CSNK2A1: variants seen among roughly 807,000 people sequenced by gnomAD.
CSNK2A1 encodes the protein casein kinase 2 alpha 1.
Under a neutral mutation model 62.9 loss-of-function variants are expected in CSNK2A1, and 10 were observed. The observed-to-expected ratio is 0.16, with a 90% CI of 0.10 to 0.27. The LOEUF (loss-of-function observed/expected upper bound fraction) is 0.27, where lower values mean the gene tolerates loss of function less well. CSNK2A1 is among the 10% of genes least tolerant of loss of function. CSNK2A1 has a pLI of 1.00. For missense variants in CSNK2A1, 160 were observed against 492.0 expected, an observed-to-expected ratio of 0.33 and a Z score of 6.38; for synonymous variants, 124 against 167.8, an observed-to-expected ratio of 0.74 and a Z score of 2.02.
Position 499,753 on chromosome 20 carries a change from G to A in CSNK2A1, c.315+80C>T. ...ACTTAATGATGAGGGTTGGGGGAGG[G>A]AACAAAAAGAGGCCAGTTGTGCTCC... On this transcript the variant is annotated intron_variant, in intron 5 of 13. Coordinates refer to ENST00000217244, the MANE Select transcript of CSNK2A1 (RefSeq NM_177559.3). This position sits in a 1 kb window ranked among gnomAD's most constrained non-coding sequence, Gnocchi z 4.2. 5 of 1,333,586 alleles carry A rather than the reference G, an allele frequency of 3.7e-6. No individual in the cohort carries two copies. The highest frequency in any genetic ancestry group is 3.6e-5 in the South Asian group (3 of 83,284). 82.6% of individuals were successfully genotyped at this position (1,333,586 alleles called of 1,614,324 possible).
rs1051439149 is a variant in CSNK2A1, at chr20:536,318, C to T, written c.-227+7354G>A. Among the ~76,000 whole-genome samples the T allele has an allele frequency of 2.6e-5, 4 of 152,084 alleles. No individual in the cohort carries two copies. The East Asian group carries it at 7.7e-4, about 29-fold the overall frequency. ...CTGGCAATAAACACATTCTTTTCTC[C>T]GAAAGGGAAGGGAAAGAACTAATGT... On this transcript the variant is annotated intron_variant, in intron 1 of 13. Coordinates refer to ENST00000217244, the MANE Select transcript of CSNK2A1 (RefSeq NM_177559.3).
At chr20:506,393 G>T (rs117829656) in intron 3 of CSNK2A1, 2 of 152,146 alleles carry the variant, frequency 1.3e-5, no homozygotes, top group Non-Finnish European at 2.9e-5. Flanking sequence ...TGCGTAGTAC[G>T]AAGCACATTA....
rs1474958579 is a variant in CSNK2A1, at chr20:511,701, T to TAC, written c.-109-3042_-109-3041insGT. Among the ~76,000 whole-genome samples the TAC allele has an allele frequency of 2.4e-4, 25 of 103,544 alleles. No individual in the cohort carries two copies. In the Middle Eastern group the frequency reaches 0.012, roughly 50 times the overall value. 67.9% of individuals were successfully genotyped at this position (103,544 alleles called of 152,430 possible). A position where few individuals can be genotyped will look rare whatever the true frequency, so the allele number is the denominator to read the frequency against. On this transcript the variant is annotated intron_variant, in intron 2 of 13. Transcript: ENST00000217244. ...TGAATGATATTGCACTGTGTATATA[T>TAC]ATACACACACACACACACACACACA...
At chr20:489,064 A>C (rs2018160972) in intron 10 of CSNK2A1, 1 of 311,028 alleles carries the variant, frequency 3.2e-6, no homozygotes, top group Non-Finnish European at 6.0e-6. Flanking sequence ...TTGCACACTC[A>C]AACTACTCAC....
rs1447511568 is a variant in CSNK2A1 at position 479,922 on chromosome 20, C to T, written c.*4039G>A. 1 of 152,090 alleles carries T rather than the reference C, an allele frequency of 6.6e-6. No homozygotes were observed. The highest frequency in any genetic ancestry group is 1.5e-5 in the Non-Finnish European group (1 of 68,024). 9.4% of individuals were successfully genotyped at this position (152,090 alleles called of 1,614,324 possible). On this transcript the variant is annotated 3_prime_UTR_variant, in exon 14 of 14. Transcript: ENST00000217244. ...GAATATTGAACTGGTATGTATTCCG[C>T]AAATATTCCAAAAATCCAAAAAAAT...
intron 13 of CSNK2A1, among the ~76,000 whole-genome samples, chr20:485,096 A>T (rs1246439868): frequency 1.2e-3 from 62 of 50,916 alleles, no homozygotes; most frequent in African/African-American, 1.0e-3. Flanking sequence ...AAAAAAAAAA[A>T]AAAAAAAAAA....
At chr20:490,054 CAG>C (rs1404520935) in intron 9 of CSNK2A1, among the ~76,000 whole-genome samples, 173 bp from the exon 10 acceptor site, 5 of 146,670 alleles carry the variant, frequency 3.4e-5, no homozygotes, top group Non-Finnish European at 7.5e-5. Context: ...TTTTTGGAGA[CAG>C]AGTCTCACTC....
chr20:475,855 T>C lies in CSNK2A1; in HGVS notation c.*8106A>G, dbSNP rs1401026988. On this transcript the variant is annotated 3_prime_UTR_variant, in exon 14 of 14. Coordinates refer to ENST00000217244, the MANE Select transcript of CSNK2A1 (RefSeq NM_177559.3). ...GTAGCTGCTGCAACTTCTGCCACAT[T>C]GGGCAAACCTGAATCCAATTCACAT... is the stretch of plus-strand genomic sequence containing the variant. The C allele has an allele frequency of 6.6e-6, 1 of 152,206 alleles. No homozygotes were observed. Among genetic ancestry groups the C allele is most frequent in the Non-Finnish European group, 1.5e-5 (1 of 68,036 alleles). 9.4% of individuals were successfully genotyped at this position (152,206 alleles called of 1,614,324 possible). A position where few individuals can be genotyped will look rare whatever the true frequency, so the allele number is the denominator to read the frequency against.
chr20:513,467 C>T (rs1343309188), intron 2 of CSNK2A1, among the ~76,000 whole-genome samples: 1 of 152,198 alleles, frequency 6.6e-6, no homozygotes, highest in Non-Finnish European at 1.5e-5. Flanking sequence ...AAGCAGAAAC[C>T]TATCTTTACA....
At chr20:542,518 C>T (rs1448836449) in intron 1 of CSNK2A1, among the ~76,000 whole-genome samples, 3 of 152,194 alleles carry the variant, frequency 2.0e-5, no homozygotes, top group Non-Finnish European at 2.9e-5. Context: ...CTGCCACCTC[C>T]GCCTCCCAGG....
chr20:522,162 AT>A lies in CSNK2A1; in HGVS notation c.-110+5770del, dbSNP rs140084348. ...TGAGGAATCTAGGAGGTGGAGCTCAATTTTTCTCCTTTAAGGAAAGGAAATA... is the reference window on the plus strand; with the variant it reads ...TGAGGAATCTAGGAGGTGGAGCTCAATTTTCTCCTTTAAGGAAAGGAAATA... On this transcript the variant is annotated intron_variant, in intron 2 of 13. Transcript: ENST00000217244. Among the ~76,000 whole-genome samples, 344 of 152,324 alleles carry A rather than the reference AT, an allele frequency of 2.3e-3. 1 individual carries two copies. In the Middle Eastern group the frequency reaches 0.037, roughly 17 times the overall value.
chr20:488,742 A>T lies in CSNK2A1; in HGVS notation c.760T>A (p.Leu254Ile). Residue 254 changes from leucine (L) to isoleucine (I), a missense_variant, in exon 11 of 14, where the codon TTA (leucine) becomes ATA (isoleucine). Leu to Ile is a conservative substitution (Grantham distance 5). Transcript: ENST00000217244. ...TTGTATTTGTCAATATAGTCATATA[A>T]ATCTTCTGTCCCCAGAACCTTGGCT... ...RIAKVLGTED[L>I]YDYIDKYNIE... The T allele has an allele frequency of 6.2e-7, 1 of 1,614,008 alleles. No individual in the cohort carries two copies. Among genetic ancestry groups the T allele is most frequent in the Non-Finnish European group, 8.5e-7 (1 of 1,179,956 alleles).
Position 530,667 on chromosome 20 carries a change from G to T in CSNK2A1, c.-226-2618C>A, listed in dbSNP as rs1290604116. On this transcript the variant is annotated intron_variant, in intron 1 of 13. Coordinates refer to ENST00000217244, the MANE Select transcript of CSNK2A1 (RefSeq NM_177559.3). ...TTTCTGCATTTTTAGTAGAGACAGG[G>T]TTTCGCCATGTTGCCCAGGCTGGTC... 3.3e-5 allele frequency among the ~76,000 whole-genome samples: 5 copies of T among 151,960 alleles called. No homozygotes were observed. The East Asian group carries it at 9.6e-4, about 29-fold the overall frequency.
chr20:503,626 TTA>T, intron 4 of CSNK2A1: 1 of 398,578 alleles, frequency 2.5e-6, no homozygotes, highest in South Asian at 1.3e-4. Context: ...ATGGATTGTG[TTA>T]TACTCCTCGC....
At chr20:490,041 T>C (rs187020886) in intron 9 of CSNK2A1, among the ~76,000 whole-genome samples, 160 bp from the exon 10 acceptor site, 1 of 151,590 alleles carries the variant, frequency 6.6e-6, no homozygotes, top group Non-Finnish European at 1.5e-5. Flanking sequence ...TTTCTTTTTT[T>C]TTTTTTTGGA....
chr20:514,429 CATT>C (rs1471557075), intron 2 of CSNK2A1, among the ~76,000 whole-genome samples: 1 of 151,670 alleles, frequency 6.6e-6, no homozygotes, highest in East Asian at 2.0e-4. Flanking sequence ...CAAATATTAT[CATT>C]ATTATTTTTT....
At position 473,814 on chromosome 20, in the gene CSNK2A1, G is replaced by A. The variant is rs931158491; in HGVS notation, c.*10147C>T. The A allele has an allele frequency of 6.6e-6, 1 of 152,144 alleles. No homozygotes were observed. Among genetic ancestry groups the A allele is most frequent in the Non-Finnish European group, 1.5e-5 (1 of 68,056 alleles). 9.4% of individuals were successfully genotyped at this position (152,144 alleles called of 1,614,324 possible). A position where few individuals can be genotyped will look rare whatever the true frequency, so the allele number is the denominator to read the frequency against. On this transcript the variant is annotated 3_prime_UTR_variant, in exon 14 of 14. Transcript: ENST00000217244. ...TCTCTCCTTAGATTTGAAGCCAGTTGATTGTCTTCTGATCTCAGCTCTCCA... is the reference window on the plus strand; with the variant it reads ...TCTCTCCTTAGATTTGAAGCCAGTTAATTGTCTTCTGATCTCAGCTCTCCA...
At position 476,452 on chromosome 20, in the gene CSNK2A1, G is replaced by T. The variant is rs1291354387; in HGVS notation, c.*7509C>A. On this transcript the variant is annotated 3_prime_UTR_variant, in exon 14 of 14. Coordinates refer to ENST00000217244, the MANE Select transcript of CSNK2A1 (RefSeq NM_177559.3). ...TTTTGTATTTTTTAGTAGAAACAGG[G>T]TGTCACCATGTTGTTCAGTCTGGTT... 3.3e-5 allele frequency: 5 copies of T among 151,548 alleles called. No individual in the cohort carries two copies. Among genetic ancestry groups the T allele is most frequent in the Admixed American group, 3.3e-4 (5 of 15,228 alleles). The allele number at this position is 151,548 out of a possible 1,614,324, so 9.4% of individuals were successfully genotyped here.
intron 13 of CSNK2A1, 33 bp downstream of exon 13, chr20:486,343 A>AT (rs755407793): frequency 1.1e-5 from 18 of 1,612,110 alleles, no homozygotes; most frequent in Admixed American, 5.0e-5. Flanking sequence ...TGACTTCCAC[A>AT]TTTTTTTAAA....
Sources: gnomAD v4.1 joint callset for allele counts (sites outside exome capture counted in the v4.1 genomes callset) on GRCh38, gnomAD v4.1.1 for gene constraint, Gnocchi (gnomAD v3.1) non-coding constraint, MANE v1.5 for transcripts, NCBI Gene and HGNC (gene_info 2026-07-23, HGNC 2026-07-21) for gene names.